RBFOX1: variants seen among roughly 807,000 people sequenced by gnomAD.
RBFOX1 encodes the protein RNA binding fox-1 homolog 1.
RBFOX1 carries 8 observed loss-of-function variants against 57.7 expected under a neutral mutation model. The ratio of observed to expected loss-of-function variants is 0.14; its 90% confidence interval spans 0.08 to 0.25. The LOEUF is 0.25. Ranked by LOEUF, RBFOX1 falls within the 10% of genes least tolerant of loss-of-function variation. The pLI, the probability that RBFOX1 is intolerant of heterozygous loss-of-function variation, is 1.00. For missense variants in RBFOX1, 611 were observed against 548.5 expected (o/e 1.11, Z -1.14); for synonymous variants, 326 against 222.4 (o/e 1.47, Z -4.15).
rs192091249 is a variant in RBFOX1 at position 6,659,154 on chromosome 16, A to T, written c.-16+4504A>T. 1.8e-4 allele frequency among the ~76,000 whole-genome samples: 27 copies of T among 152,152 alleles called. No homozygotes were observed. The East Asian group carries it at 4.9e-3, about 27-fold the overall frequency. On this transcript the variant is annotated intron_variant, in intron 3 of 15. Transcript: ENST00000550418. The stretch of plus-strand genomic sequence containing the variant: ...TAAAATCCACCTGAATTTCAATACT[A>T]TTATAAAGACTGAGATTCAGGTGAT...
intron 1 of RBFOX1, among the ~76,000 whole-genome samples, chr16:6,139,900 C>T (rs1597698480): frequency 6.6e-6 from 1 of 152,190 alleles, no homozygotes; most frequent in East Asian, 1.9e-4. Context: ...AGAATTCCAT[C>T]AGTCTCTCTT....
chr16:6,701,070 A>C (rs1219035076), intron 3 of RBFOX1, among the ~76,000 whole-genome samples: 1 of 152,062 alleles, frequency 6.6e-6, no homozygotes, highest in Admixed American at 6.6e-5. Context: ...GTGAGCCTGG[A>C]AAGCCTCAGC....
intron 4 of RBFOX1, among the ~76,000 whole-genome samples, chr16:7,426,569 C>A (rs765270860): frequency 2.0e-5 from 3 of 152,160 alleles, no homozygotes; most frequent in East Asian, 1.9e-4. Context: ...GTTCTTCAAA[C>A]CAAATAGATG....
At chr16:6,206,460 C>A (rs775526979) in intron 1 of RBFOX1, among the ~76,000 whole-genome samples, 1 of 152,136 alleles carries the variant, frequency 6.6e-6, no homozygotes, top group Non-Finnish European at 1.5e-5. Flanking sequence ...TGTATTTACT[C>A]ATTTTTTGTC....
chr16:7,277,958 A>T (rs1389812980), intron 4 of RBFOX1, among the ~76,000 whole-genome samples: 2 of 152,164 alleles, frequency 1.3e-5, no homozygotes, highest in Non-Finnish European at 2.9e-5. Context: ...CAAAAAAAAA[A>T]AAAAGGTACT....
At chr16:6,614,791 C>T (rs1384732998) in intron 2 of RBFOX1, among the ~76,000 whole-genome samples, 1 of 152,266 alleles carries the variant, frequency 6.6e-6, no homozygotes, top group East Asian at 1.9e-4. Context: ...TTTATGAGGA[C>T]ATCAGTCATA....
intron 1 of RBFOX1, among the ~76,000 whole-genome samples, chr16:6,164,190 C>G (rs921921276): frequency 1.3e-5 from 2 of 152,116 alleles, no homozygotes; most frequent in African/African-American, 2.4e-5. Context: ...GAATTGTTTA[C>G]TTGGACATTA....
intron 2 of RBFOX1, among the ~76,000 whole-genome samples, chr16:6,574,522 G>C (rs2097396618): frequency 1.4e-5 from 2 of 145,264 alleles, no homozygotes; most frequent in South Asian, 4.4e-4. Context: ...TCCGCTTCCA[G>C]GGTTCACGCC....
At chr16:7,193,178 G>T (rs559420769) in intron 4 of RBFOX1, among the ~76,000 whole-genome samples, 2 of 152,308 alleles carry the variant, frequency 1.3e-5, no homozygotes, top group South Asian at 4.1e-4. Flanking sequence ...ATTACATAGG[G>T]TTGTTATAAG....
At chr16:6,602,237 T>C (rs1274157920) in intron 2 of RBFOX1, among the ~76,000 whole-genome samples, 2 of 152,202 alleles carry the variant, frequency 1.3e-5, no homozygotes, top group African/African-American at 4.8e-5. Context: ...ATAAGATAGA[T>C]GATTGGCAAA....
intron 3 of RBFOX1, among the ~76,000 whole-genome samples, chr16:6,783,618 T>C (rs530091950): frequency 6.6e-6 from 1 of 152,198 alleles, no homozygotes; most frequent in Non-Finnish European, 1.5e-5. Context: ...ATTGTTGTAG[T>C]TATTATTATT....
intron 3 of RBFOX1, among the ~76,000 whole-genome samples, chr16:5,630,641 G>C (rs574859975): frequency 6.6e-6 from 1 of 152,232 alleles, no homozygotes; most frequent in East Asian, 1.9e-4. Context: ...ATTGGTGGCA[G>C]TGCCCTCATC....
rs773411571 is a variant in RBFOX1, at chr16:5,313,235, C to G, written c.219+73130C>G. On this transcript the variant is annotated intron_variant, in intron 1 of 2. Coordinates refer to the RBFOX1 transcript ENST00000585867. ...GCAAATTGCTCCATTTGCTGCAACC[C>G]TTAGGACCTCTAATTCCCCCTCTCC... Among the ~76,000 whole-genome samples, 56 of 152,100 alleles carry G rather than the reference C, an allele frequency of 3.7e-4. 2 individuals carry two copies. Among genetic ancestry groups the G allele is most frequent in the Non-Finnish European group, 2.2e-4 (15 of 68,030 alleles).
At chr16:6,508,412 A>G (rs1053534668) in intron 2 of RBFOX1, among the ~76,000 whole-genome samples, 2 of 152,168 alleles carry the variant, frequency 1.3e-5, no homozygotes, top group Non-Finnish European at 2.9e-5. Context: ...TGAACTGTAC[A>G]CTTAAGAATT....
intron 1 of RBFOX1, among the ~76,000 whole-genome samples, chr16:5,263,616 G>A (rs2062788649): frequency 1.3e-5 from 2 of 152,098 alleles, no homozygotes; most frequent in Non-Finnish European, 2.9e-5. Context: ...CTCAAATGAG[G>A]TGCAAGTGGA....
intron 2 of RBFOX1, among the ~76,000 whole-genome samples, chr16:6,627,135 T>G (rs1241342233): frequency 6.6e-6 from 1 of 152,132 alleles, no homozygotes; most frequent in African/African-American, 2.4e-5. Context: ...AAGCTGAAAT[T>G]AGCATTCTGT....
At chr16:6,539,679 TC>T (rs1169559824) in intron 2 of RBFOX1, among the ~76,000 whole-genome samples, 1 of 152,030 alleles carries the variant, frequency 6.6e-6, no homozygotes, top group African/African-American at 2.4e-5. Flanking sequence ...GCACCTGTAG[TC>T]CCAGCTCCAC....
chr16:6,934,673 T>C (rs1297087527), intron 3 of RBFOX1, among the ~76,000 whole-genome samples: 2 of 151,690 alleles, frequency 1.3e-5, no homozygotes, highest in African/African-American at 2.4e-5. Context: ...CTCACTCATA[T>C]GTGGGAGTTA....
intron 10 of RBFOX1, among the ~76,000 whole-genome samples, chr16:7,623,050 T>C (rs887561282): frequency 6.6e-6 from 1 of 152,186 alleles, no homozygotes; most frequent in South Asian, 2.1e-4. Context: ...AGGTACCTTA[T>C]GGCAACCTCT....
Sources: allele counts gnomAD v4.1 joint callset (sites outside exome capture counted in the v4.1 genomes callset), GRCh38; gene constraint gnomAD v4.1.1; transcripts MANE v1.5; gene names NCBI Gene and HGNC (gene_info 2026-07-23, HGNC 2026-07-21).